Variants in ZSCAN31 observed in about 807,000 individuals in gnomAD.
ZSCAN31 encodes the protein zinc finger and SCAN domain containing 31.
ZSCAN31 carries 14 observed loss-of-function variants against 22.5 expected under a neutral mutation model. The ratio of observed to expected loss-of-function variants is 0.62; its 90% CI spans 0.41 to 0.97. ZSCAN31 has a LOEUF of 0.97. ZSCAN31 is among the 50% of genes least tolerant of loss of function. ZSCAN31 has a pLI of 0.00. For missense variants in ZSCAN31, 424 were observed against 483.4 expected (o/e 0.88, Z 1.15); for synonymous variants, 168 against 169.8 (o/e 0.99, Z 0.08).
chr6:28,326,101 T>A lies in ZSCAN31; in HGVS notation c.*65A>T, dbSNP rs1338548065. The A allele has an allele frequency of 4.2e-6, 6 of 1,434,016 alleles. No individual in the cohort carries two copies. The highest frequency in any genetic ancestry group is 4.7e-6 in the Non-Finnish European group (5 of 1,053,954). 88.8% of individuals were successfully genotyped at this position (1,434,016 alleles called of 1,614,324 possible). ...AATTAGTCCAGTTCTGCTGGAACAG[T>A]ATGGATTCTAAAATGCCTAATAAGG... On this transcript the variant is annotated 3_prime_UTR_variant, in exon 4 of 4. Coordinates refer to ENST00000344279, the MANE Select transcript of ZSCAN31 (RefSeq NM_030899.5).
intron 2 of ZSCAN31, 64 bp downstream of exon 2, chr6:28,329,239 G>A: frequency 6.6e-7 from 1 of 1,519,634 alleles, no homozygotes; most frequent in Non-Finnish European, 8.8e-7. Context: ...CAACCAACCT[G>A]TGTCACCAAA....
At chr6:28,346,544 A>G (rs1324368263) in intron 2 of ZSCAN31, among the ~76,000 whole-genome samples, 1 of 151,784 alleles carries the variant, frequency 6.6e-6, no homozygotes, top group East Asian at 1.9e-4. Flanking sequence ...TTTAGTAGAG[A>G]CGGGGTTTCA....
At chr6:28,356,092 T>G (rs1194753363), upstream of ZSCAN31, 1 of 152,224 alleles carries the variant, frequency 6.6e-6, no homozygotes, top group Non-Finnish European at 1.5e-5. Flanking sequence ...GGAAACTTAT[T>G]CAGGTTTAGG....
At chr6:28,339,763 A>G (rs192198785), upstream of ZSCAN31, among the ~76,000 whole-genome samples, 53 of 152,350 alleles carry the variant, frequency 3.5e-4, no homozygotes, top group Non-Finnish European at 6.5e-4. Context: ...TTGTTATTTC[A>G]GTGCCACTCA....
chr6:28,328,496 T>G (rs1422092886), intron 2 of ZSCAN31, among the ~76,000 whole-genome samples: 1 of 152,252 alleles, frequency 6.6e-6, no homozygotes, highest in African/African-American at 2.4e-5. Context: ...TATGGCTCTG[T>G]TCCGCCCAGC....
At chr6:28,344,903 G>A (rs112479513) in intron 2 of ZSCAN31, among the ~76,000 whole-genome samples, 4,621 of 151,884 alleles carry the variant, frequency 0.03, 142 homozygotes, top group African/African-American at 0.078. Flanking sequence ...GCCAAGGCAG[G>A]TGGATCACTT....
At position 28,351,994 on chromosome 6, in the gene ZSCAN31, T is replaced by TA. The variant is rs1379893133; in HGVS notation, c.-371+1867dup. 2.0e-5 allele frequency among the ~76,000 whole-genome samples: 3 copies of TA among 152,056 alleles called. No homozygotes were observed. Among genetic ancestry groups the TA allele is most frequent in the Non-Finnish European group, 4.4e-5 (3 of 68,016 alleles). On this transcript the variant is annotated intron_variant, in intron 2 of 7. Coordinates refer to the ZSCAN31 transcript ENST00000396838. This position sits in a 1 kb window ranked among gnomAD's most constrained non-coding sequence, Gnocchi z 4.6. ...AAATATTTCTAGAGTTTTTTTTTTTTACAGTCTTTTTACAGTTGTTGTTTT... is the reference window on the plus strand; with the variant it reads ...AAATATTTCTAGAGTTTTTTTTTTTTAACAGTCTTTTTACAGTTGTTGTTTT...
At chr6:28,337,864 A>G (rs1321104178), upstream of ZSCAN31, 1 of 152,124 alleles carries the variant, frequency 6.6e-6, no homozygotes, top group Non-Finnish European at 1.5e-5. Context: ...AGTTCAAGAC[A>G]AGCCTGGGCG....
rs369250719 is a variant in ZSCAN31, at chr6:28,329,554, G to A, written c.130C>T (p.Gln44Ter). ...CCAGGAGTCTCTTGGTAACAAAACT[G>A]CCTAAAAAGTTGTCGGGAGGCTTCT... ...GQEASRQLFRQFCYQETPGPR... is the reference protein window; with the variant it reads ...GQEASRQLFR Residue 44 changes from glutamine to a stop codon, truncating the protein, a stop_gained, in exon 2 of 4, where the codon CAG becomes TAG. Transcript: ENST00000344279. LOFTEE classifies it high-confidence loss of function. 6.2e-7 allele frequency: 1 copy of A among 1,614,084 alleles called. No individual in the cohort carries two copies. The highest frequency in any genetic ancestry group is 8.5e-7 in the Non-Finnish European group (1 of 1,180,052).
At chr6:28,353,727 G>C (rs1395817454) in intron 2 of ZSCAN31, 3 of 425,694 alleles carry the variant, frequency 7.0e-6, no homozygotes, top group Non-Finnish European at 1.4e-5. Context: ...CCTTGCGAGT[G>C]ATTAAAGATA....
Position 28,327,445 on chromosome 6 carries a change from A to C in ZSCAN31, c.470T>G (p.Leu157Arg). Residue 157 changes from leucine to arginine, a missense_variant, in exon 3 of 4, where the codon CTT becomes CGT. Coordinates refer to ENST00000344279, the MANE Select transcript of ZSCAN31 (RefSeq NM_030899.5). ...TCTGAGCTGTGTCACCATAGGCTGA[A>C]GCTGTATGTCTGTTGGTTCCTGCTT... The part of the protein sequence containing the change: ...KVKQEPTDIQ[L>R]QPMVTQLRYE... 6.2e-7 allele frequency: 1 copy of C among 1,614,076 alleles called. No individual in the cohort carries two copies. Among genetic ancestry groups the C allele is most frequent in the Non-Finnish European group, 8.5e-7 (1 of 1,180,024 alleles).
At chr6:28,350,265 T>G (rs1368348799) in intron 2 of ZSCAN31, 1 of 152,126 alleles carries the variant, frequency 6.6e-6, no homozygotes. Flanking sequence ...GGGTGTCCCT[T>G]GTTTAGGGCC....
intron 1 of ZSCAN31, 40 bp downstream of exon 1, chr6:28,336,042 C>T (rs555150365): frequency 6.6e-6 from 1 of 152,496 alleles, no homozygotes; most frequent in South Asian, 2.1e-4. Context: ...CTGAAATCTT[C>T]TGGGAACCTG....
chr6:28,329,932 T>C (rs1244369373), intron 1 of ZSCAN31, among the ~76,000 whole-genome samples, 154 bp from the exon 2 acceptor site: 1 of 152,212 alleles, frequency 6.6e-6, no homozygotes, highest in Non-Finnish European at 1.5e-5. Flanking sequence ...GGGAAAAGGC[T>C]ATGGCAGAGT....
At position 28,329,326 on chromosome 6, in the gene ZSCAN31, C is replaced by A; in HGVS notation, c.358G>T (p.Glu120Ter). ...ACCTGGTTCCCTGGCTCACTAAGCTCTTGTTCCAGATCTTCAACTACAGCC... is the reference window on the plus strand; with the variant it reads ...ACCTGGTTCCCTGGCTCACTAAGCTATTGTTCCAGATCTTCAACTACAGCC... ...AVAVVEDLEQELSEPGNQAPD... is the reference protein window; with the variant it reads ...AVAVVEDLEQ The change falls in exon 2 of 4, where the codon GAG becomes TAG. Residue 120 changes from glutamate (E) to a stop codon, truncating the protein, a stop_gained. Transcript: ENST00000344279. LOFTEE classifies it high-confidence loss of function. The A allele has an allele frequency of 6.3e-7, 1 of 1,594,930 alleles. No individual in the cohort carries two copies. Among genetic ancestry groups the A allele is most frequent in the Middle Eastern group, 1.7e-4 (1 of 5,906 alleles).
chr6:28,344,850 C>G (rs1395365910), intron 2 of ZSCAN31, among the ~76,000 whole-genome samples: 1 of 151,866 alleles, frequency 6.6e-6, no homozygotes, highest in Non-Finnish European at 1.5e-5. Context: ...AAAAATTGGG[C>G]CAGACATGGT....
intron 2 of ZSCAN31, among the ~76,000 whole-genome samples, chr6:28,328,427 C>T (rs1044381055): frequency 2.6e-5 from 4 of 152,204 alleles, no homozygotes; most frequent in Non-Finnish European, 4.4e-5. Context: ...CAGGGATGTT[C>T]CTTGCTGAGA....
intron 2 of ZSCAN31, among the ~76,000 whole-genome samples, chr6:28,346,252 T>C (rs1408551309): frequency 1.3e-5 from 2 of 151,652 alleles, no homozygotes; most frequent in Non-Finnish European, 2.9e-5. Flanking sequence ...GTAAGGCTGC[T>C]GTTACACAGT....
chr6:28,354,255 C>T, upstream of ZSCAN31: 1 of 280,508 alleles, frequency 3.6e-6, no homozygotes, highest in South Asian at 3.6e-5. Flanking sequence ...ACAATAGTGG[C>T]TGTAAGCCAA....
Sources: allele counts gnomAD v4.1 joint callset (sites outside exome capture counted in the v4.1 genomes callset), GRCh38; gene constraint gnomAD v4.1.1; non-coding constraint Gnocchi (gnomAD v3.1); transcripts MANE v1.5; gene names NCBI Gene and HGNC (gene_info 2026-07-23, HGNC 2026-07-21).